ADGRL2: variants seen among roughly 807,000 people sequenced by gnomAD.
The protein encoded by ADGRL2 is calcium-independent alpha-latrotoxin receptor 2.
A neutral mutation model predicts 157.4 loss-of-function variants in ADGRL2; 44 were observed. The ratio of observed to expected loss-of-function variants is 0.28; its 90% CI spans 0.22 to 0.36. The LOEUF (loss-of-function observed/expected upper bound fraction) is 0.36. Among genes scored for constraint, ADGRL2 ranks in the 10% least tolerant of loss-of-function variants. ADGRL2 has a pLI of 1.00. For missense variants in ADGRL2, 1,510 were observed against 1,768.9 expected (o/e 0.85, Z 2.63); for synonymous variants, 585 against 624.7 (o/e 0.94, Z 0.95).
At chr1:81,748,467 C>CAAAAAAAAAAAAAAAAAAAAAAAA (rs973818702) in intron 1 of ADGRL2, among the ~76,000 whole-genome samples, 3 of 42,420 alleles carry the variant, frequency 7.1e-5, no homozygotes, top group Non-Finnish European at 1.3e-4. Flanking sequence ...GATTCCGTCT[C>CAAAAAAAAAAAAAAAAAAAAAAAA]AAAAAAAAAA....
At chr1:81,989,843 T>TA in intron 23 of ADGRL2, 2 of 1,400,672 alleles carry the variant, frequency 1.4e-6, no homozygotes, top group Non-Finnish European at 1.9e-6. Context: ...TTCTTTTTTT[T>TA]ACTTCATCTC....
chr1:81,371,674 T>A (rs1442572437), intron 1 of ADGRL2, among the ~76,000 whole-genome samples: 2 of 152,222 alleles, frequency 1.3e-5, no homozygotes, highest in Non-Finnish European at 2.9e-5. Context: ...ATTGTTTTTA[T>A]CTTAATTGTT....
intron 2 of ADGRL2, among the ~76,000 whole-genome samples, chr1:81,863,808 T>A (rs1244505308): frequency 6.6e-6 from 1 of 152,186 alleles, no homozygotes; most frequent in African/African-American, 2.4e-5. Context: ...AGTCAATACA[T>A]CTGACCCAAA....
chr1:81,728,890 G>C (rs1001297572), intron 1 of ADGRL2, among the ~76,000 whole-genome samples: 5 of 152,042 alleles, frequency 3.3e-5, no homozygotes, highest in African/African-American at 9.7e-5. Flanking sequence ...CTCTTGGGGA[G>C]GTAACTGTCC....
chr1:81,353,040 C>G lies in ADGRL2; in HGVS notation c.-302+46531C>G, dbSNP rs377644250. ...AATAATATCTAATGTATAATGAATGCTTGCTTACTACATAGTGGGCAATAT... is the reference window on the plus strand; with the variant it reads ...AATAATATCTAATGTATAATGAATGGTTGCTTACTACATAGTGGGCAATAT... On this transcript the variant is annotated intron_variant, in intron 1 of 24. Transcript: ENST00000370721. Among the ~76,000 whole-genome samples, 3 of 152,058 alleles carry G rather than the reference C, an allele frequency of 2.0e-5. No homozygotes were observed. The East Asian group carries it at 5.8e-4, about 29-fold the overall frequency.
exon 1 of ADGRL2, chr1:81,306,508 A>G (rs1659344875): frequency 6.6e-6 from 1 of 152,002 alleles, no homozygotes; most frequent in Admixed American, 6.6e-5. Context: ...TGTCTTTTCA[A>G]GGTAGGAAGT....
At chr1:81,460,162 T>C (rs1336565403) in intron 2 of ADGRL2, among the ~76,000 whole-genome samples, 1 of 152,036 alleles carries the variant, frequency 6.6e-6, no homozygotes, top group Non-Finnish European at 1.5e-5. Context: ...TTCACTCTGT[T>C]GATTATTTTC....
chr1:81,954,681 G>GA (rs1262000408), intron 10 of ADGRL2, among the ~76,000 whole-genome samples: 2 of 152,044 alleles, frequency 1.3e-5, no homozygotes, highest in East Asian at 3.9e-4. Context: ...ATTAGAGGGA[G>GA]AAAAAAAGCC....
chr1:81,407,017 T>C (rs985832593), intron 1 of ADGRL2, among the ~76,000 whole-genome samples: 1 of 152,210 alleles, frequency 6.6e-6, no homozygotes, highest in Admixed American at 6.5e-5. Flanking sequence ...TGGGTTGAGC[T>C]CCTTATTCCT....
In ADGRL2 at chr1:81,645,794, C is replaced by A. The variant is rs1461279519; in HGVS notation, c.-143+64814C>A. ...TAGGTGGTTTCTTTTCCATATTTCCCCCCTCTAATAAATACTGATGCATTG... is the reference window on the plus strand; with the variant it reads ...TAGGTGGTTTCTTTTCCATATTTCCACCCTCTAATAAATACTGATGCATTG... On this transcript the variant is annotated intron_variant, in intron 3 of 24. Coordinates refer to the ADGRL2 transcript ENST00000370721. Among the ~76,000 whole-genome samples, 6 of 152,088 alleles carry A rather than the reference C, an allele frequency of 3.9e-5. No individual in the cohort carries two copies. The East Asian group carries it at 5.8e-4, about 15-fold the overall frequency.
At chr1:81,822,146 T>C (rs1243253342) in intron 1 of ADGRL2, among the ~76,000 whole-genome samples, 1 of 151,544 alleles carries the variant, frequency 6.6e-6, no homozygotes, top group Admixed American at 6.6e-5. Flanking sequence ...TGCCGTTGTC[T>C]GTCTTATAAT....
At chr1:81,487,108 AAG>A (rs1553169343) in intron 2 of ADGRL2, among the ~76,000 whole-genome samples, 9 of 135,516 alleles carry the variant, frequency 6.6e-5, no homozygotes, top group Admixed American at 7.8e-5. Context: ...AAAAAAAAAA[AAG>A]AAAGTAAATC....
At chr1:81,725,844 G>T (rs2084505984) in intron 1 of ADGRL2, among the ~76,000 whole-genome samples, 1 of 152,030 alleles carries the variant, frequency 6.6e-6, no homozygotes, top group Non-Finnish European at 1.5e-5. Context: ...AAATTAGCTG[G>T]ACATGGTGCA....
At chr1:81,672,787 T>G (rs945888522) in intron 3 of ADGRL2, among the ~76,000 whole-genome samples, 2 of 152,290 alleles carry the variant, frequency 1.3e-5, no homozygotes, top group South Asian at 4.1e-4. Context: ...AAAAATAAAA[T>G]GTGAAATATT....
chr1:81,660,968 G>A (rs1046740217), intron 3 of ADGRL2, among the ~76,000 whole-genome samples: 1 of 152,154 alleles, frequency 6.6e-6, no homozygotes, highest in Admixed American at 6.5e-5. Flanking sequence ...TTCTGAAATC[G>A]TTAGCAAATC....
Position 81,502,492 on chromosome 1 carries a change from C to T in ADGRL2, c.-248+57403C>T, listed in dbSNP as rs1306017425. ...TGCAGAAGAGGCGGACCCCCATCAA[C>T]CGAATCCCCATCATGGCCAAACAGA... is the stretch of plus-strand genomic sequence containing the variant. On this transcript the variant is annotated intron_variant, in intron 2 of 24. Coordinates refer to the ADGRL2 transcript ENST00000370721. The T allele has an allele frequency of 2.5e-6, 4 of 1,614,016 alleles. No individual in the cohort carries two copies. The Admixed American group carries it at 6.7e-5, about 27-fold the overall frequency.
intron 2 of ADGRL2, among the ~76,000 whole-genome samples, chr1:81,536,729 T>C (rs1313275462): frequency 6.6e-6 from 1 of 152,186 alleles, no homozygotes; most frequent in Non-Finnish European, 1.5e-5. Flanking sequence ...ATTCTTGAAC[T>C]GTTTTGTTAA....
At chr1:81,691,520 C>T (rs1196088251) in intron 3 of ADGRL2, among the ~76,000 whole-genome samples, 7 of 150,934 alleles carry the variant, frequency 4.6e-5, no homozygotes, top group African/African-American at 9.7e-5. Context: ...TTTTTTGAGA[C>T]GGAGTTTCGC....
intron 3 of ADGRL2, among the ~76,000 whole-genome samples, chr1:81,675,239 A>T (rs2082961580): frequency 6.6e-6 from 1 of 152,248 alleles, no homozygotes; most frequent in African/African-American, 2.4e-5. Flanking sequence ...GTTAGGAAAG[A>T]AGAGACTTCT....
Sources: allele counts gnomAD v4.1 joint callset (sites outside exome capture counted in the v4.1 genomes callset), GRCh38; gene constraint gnomAD v4.1.1; transcripts MANE v1.5; gene names NCBI Gene and HGNC (gene_info 2026-07-23, HGNC 2026-07-21).